The following IQCH variants were observed in gnomAD, a reference collection of about 807,000 sequenced individuals.
IQCH encodes IQ motif containing H.
In IQCH, 98 loss-of-function variants were observed where a neutral mutation model predicts 117.0. That is an observed-to-expected ratio of 0.84 (90% CI 0.71 to 0.99). The LOEUF is 0.99. Ranked by LOEUF, IQCH falls within the 50% of genes least tolerant of loss-of-function variation. The probability of loss-of-function intolerance (pLI) is 0.00; values close to 1 mark genes in which losing one functional copy is unlikely to be tolerated. For synonymous variants in IQCH, 412 were observed against 448.2 expected (o/e 0.92, Z 1.02); for missense variants, 1,102 against 1,243.8 (o/e 0.89, Z 1.72).
In IQCH at chr15:67,411,978, G is replaced by A. The variant is rs922259866; in HGVS notation, c.2098-4953G>A. On this transcript the variant is annotated intron_variant, in intron 14 of 20. Coordinates refer to ENST00000335894, the MANE Select transcript of IQCH (RefSeq NM_001031715.3). The surrounding 1 kb of genome is among the most constrained non-coding windows in gnomAD (Gnocchi z 4.4). ...TGCAGATGTCTTGGAACCTTCCAAC[G>A]TCCTGACGATTGTTGATGCACTCTG... 2.0e-5 allele frequency among the ~76,000 whole-genome samples: 3 copies of A among 152,190 alleles called. No individual in the cohort carries two copies. The highest frequency in any genetic ancestry group is 7.2e-5 in the African/African-American group (3 of 41,446).
intron 17 of IQCH, among the ~76,000 whole-genome samples, chr15:67,470,660 T>C (rs945308312): frequency 6.6e-6 from 1 of 152,214 alleles, no homozygotes; most frequent in African/African-American, 2.4e-5. Context: ...GCATGAAATA[T>C]ACATCTTCAA....
Position 67,393,202 on chromosome 15 carries a change from T to C in IQCH, c.1633-2089T>C, listed in dbSNP as rs1025879003. ...CAACCCCTCATTTGAATATGAGAAATTGAGACTCAGAAAGGTTGAGTTTTC... is the reference window on the plus strand; with the variant it reads ...CAACCCCTCATTTGAATATGAGAAACTGAGACTCAGAAAGGTTGAGTTTTC... On this transcript the variant is annotated intron_variant, in intron 12 of 20. Transcript: ENST00000335894. This position sits in a 1 kb window ranked among gnomAD's most constrained non-coding sequence, Gnocchi z 5.5. Among the ~76,000 whole-genome samples the C allele has an allele frequency of 6.6e-6, 1 of 152,220 alleles. No individual in the cohort carries two copies. Among genetic ancestry groups the C allele is most frequent in the African/African-American group, 2.4e-5 (1 of 41,462 alleles).
At chr15:67,355,809 T>G (rs1425348674) in intron 6 of IQCH, among the ~76,000 whole-genome samples, 1 of 152,160 alleles carries the variant, frequency 6.6e-6, no homozygotes, top group Non-Finnish European at 1.5e-5. Context: ...CAAGGCCACA[T>G]GAAATAATAA....
intron 6 of IQCH, among the ~76,000 whole-genome samples, chr15:67,354,611 G>GTC (rs200366361): frequency 0.44 from 67,019 of 151,568 alleles, 15,286 homozygotes; most frequent in Non-Finnish European, 0.52. Flanking sequence ...CATGCAATAA[G>GTC]ACAAAGTATG....
rs1310749365 is a variant in IQCH, at chr15:67,472,786, T to C, written c.2677-2910T>C. Among the ~76,000 whole-genome samples the C allele has an allele frequency of 1.3e-5, 2 of 152,166 alleles. No individual in the cohort carries two copies. Among genetic ancestry groups the C allele is most frequent in the African/African-American group, 4.8e-5 (2 of 41,442 alleles). ...CAGGCAATAAAGGTCTGGACTAGGA[T>C]GGTGATGGTTATGGAAAAGAAGGTT... On this transcript the variant is annotated intron_variant, in intron 17 of 20. Coordinates refer to ENST00000335894, the MANE Select transcript of IQCH (RefSeq NM_001031715.3). The surrounding 1 kb of genome is among the most constrained non-coding windows in gnomAD (Gnocchi z 4.3).
rs1970296772 is a variant in IQCH, at chr15:67,365,386, A to C, written c.753+5501A>C. On this transcript the variant is annotated intron_variant, in intron 8 of 20. Transcript: ENST00000335894. The surrounding 1 kb of genome is among the most constrained non-coding windows in gnomAD (Gnocchi z 4.4). ...CAGCTTTGTGCTGTGAACCCAGTCCAACTGGCTATAAGCTTAAATTTTAGT... is the reference window on the plus strand; with the variant it reads ...CAGCTTTGTGCTGTGAACCCAGTCCCACTGGCTATAAGCTTAAATTTTAGT... Among the ~76,000 whole-genome samples, 1 of 152,214 alleles carries C rather than the reference A, an allele frequency of 6.6e-6. No individual in the cohort carries two copies. The highest frequency in any genetic ancestry group is 1.5e-5 in the Non-Finnish European group (1 of 68,024).
chr15:67,314,790 CTTA>C (rs1967769363), intron 4 of IQCH, among the ~76,000 whole-genome samples: 1 of 152,180 alleles, frequency 6.6e-6, no homozygotes, highest in African/African-American at 2.4e-5. Context: ...GAAAGTCATG[CTTA>C]TATTTTTTGT....
intron 9 of IQCH, among the ~76,000 whole-genome samples, 198 bp downstream of exon 9, chr15:67,372,860 C>CAAG (rs1484599349): frequency 1.3e-5 from 2 of 151,840 alleles, no homozygotes; most frequent in Admixed American, 1.3e-4. Context: ...TAGCCCTAAT[C>CAAG]AAGAATCTGG....
intron 3 of IQCH, among the ~76,000 whole-genome samples, chr15:67,269,503 A>T (rs1965812597): frequency 6.6e-6 from 1 of 152,194 alleles, no homozygotes; most frequent in Non-Finnish European, 1.5e-5. Context: ...CATGCAAATT[A>T]TCTTCTAGCT....
At chr15:67,437,915 C>T (rs189428251) in intron 16 of IQCH, among the ~76,000 whole-genome samples, 4 of 152,030 alleles carry the variant, frequency 2.6e-5, no homozygotes, top group South Asian at 2.1e-4. Flanking sequence ...ATGACCAAAC[C>T]GGAGAATAAT....
intron 3 of IQCH, among the ~76,000 whole-genome samples, chr15:67,268,913 AC>A (rs200652675): frequency 0.014 from 2,017 of 148,786 alleles, 38 homozygotes; most frequent in African/African-American, 0.046. Flanking sequence ...AAACAAAAAA[AC>A]AAACTTTTAA....
intron 18 of IQCH, among the ~76,000 whole-genome samples, chr15:67,482,938 T>G (rs991389110): frequency 1.3e-5 from 2 of 152,186 alleles, no homozygotes; most frequent in African/African-American, 4.8e-5. Context: ...AAGGGTAGAC[T>G]CTTACATCTC....
chr15:67,464,536 T>C (rs2141020476), intron 16 of IQCH, among the ~76,000 whole-genome samples: 1 of 152,290 alleles, frequency 6.6e-6, no homozygotes, highest in East Asian at 1.9e-4. Context: ...CAATTGACAA[T>C]TGAGAATACT....
intron 3 of IQCH, among the ~76,000 whole-genome samples, chr15:67,276,633 T>A (rs1318650700): frequency 2.0e-5 from 3 of 152,168 alleles, no homozygotes; most frequent in Non-Finnish European, 2.9e-5. Flanking sequence ...TTCCACATTT[T>A]AAATATTTCA....
In IQCH at chr15:67,403,206, C is replaced by T. The variant is rs1028460222; in HGVS notation, c.2097+2901C>T. On this transcript the variant is annotated intron_variant, in intron 14 of 20. Coordinates refer to ENST00000335894, the MANE Select transcript of IQCH (RefSeq NM_001031715.3). This position sits in a 1 kb window ranked among gnomAD's most constrained non-coding sequence, Gnocchi z 4.8. ...CAGAGGTTGCAGTGAGCCGAGATCACACCACTGCACTCCAGCCTGGGCGAC... is the reference window on the plus strand; with the variant it reads ...CAGAGGTTGCAGTGAGCCGAGATCATACCACTGCACTCCAGCCTGGGCGAC... 5.3e-5 allele frequency among the ~76,000 whole-genome samples: 8 copies of T among 151,602 alleles called. No homozygotes were observed. The highest frequency in any genetic ancestry group is 1.9e-4 in the African/African-American group (8 of 41,296).
At chr15:67,266,404 C>G (rs1019191078) in intron 3 of IQCH, among the ~76,000 whole-genome samples, 1 of 152,030 alleles carries the variant, frequency 6.6e-6, no homozygotes, top group African/African-American at 2.4e-5. Context: ...CACCTGTAAT[C>G]CCAGCATTTT....
At chr15:67,275,467 T>G (rs757399250) in intron 3 of IQCH, among the ~76,000 whole-genome samples, 10 of 152,116 alleles carry the variant, frequency 6.6e-5, no homozygotes, top group Non-Finnish European at 1.5e-5. Flanking sequence ...GTATGTTTGT[T>G]TTTAGTTTTC....
chr15:67,400,217 A>G lies in IQCH; in HGVS notation c.2009A>G (p.Asp670Gly), dbSNP rs1327241616. 4 of 1,613,428 alleles carry G rather than the reference A, an allele frequency of 2.5e-6. No individual in the cohort carries two copies. The African/African-American group carries it at 4.0e-5, about 16-fold the overall frequency. The change falls in exon 14 of 21, where the codon GAT (aspartate) becomes GGT (glycine). Residue 670 changes from aspartate to glycine, a missense_variant. Asp to Gly is a moderately conservative substitution (Grantham distance 94). Transcript: ENST00000335894. ...EFRGNGTAFC[D>G]IPSYLKCYKW... ...CGAGGAAATGGGACTGCATTTTGTGATATTCCTTCCTACCTAAAGTGCTAC... is the reference window on the plus strand; with the variant it reads ...CGAGGAAATGGGACTGCATTTTGTGGTATTCCTTCCTACCTAAAGTGCTAC...
intron 4 of IQCH, among the ~76,000 whole-genome samples, chr15:67,327,531 ACTGT>A (rs1968464892): frequency 6.6e-6 from 1 of 152,112 alleles, no homozygotes. Context: ...TTTTCTTTTT[ACTGT>A]GGACTACATC....
Sources: allele counts gnomAD v4.1 joint callset (sites outside exome capture counted in the v4.1 genomes callset), GRCh38; gene constraint gnomAD v4.1.1; non-coding constraint Gnocchi (gnomAD v3.1); transcripts MANE v1.5; gene names NCBI Gene and HGNC (gene_info 2026-07-23, HGNC 2026-07-21).